Variants in TMEM200C observed in about 807,000 individuals in gnomAD.
TMEM200C encodes the protein transmembrane protein 200C, also known as transmembrane protein TTMA.
For synonymous variants in TMEM200C, 462 were observed against 324.7 expected (o/e 1.42, Z -4.55); for missense variants, 966 against 699.9 (o/e 1.38, Z -4.29).
rs1204910179 is a variant in TMEM200C, at chr18:5,891,188, G to T, written c.876C>A (p.Ser292Arg). ...ACGCGGCGCCCCGAGGGCGGCCGCC[G>T]CTCGGCGCCGCGGGGTGAGGAGGCC... Residue 292 changes from serine (S) to arginine (R), a missense_variant, in exon 3 of 3, where the codon AGC becomes AGA. Coordinates refer to ENST00000581347, the Ensembl canonical transcript of TMEM200C. This position sits in a 1 kb window ranked among gnomAD's most constrained non-coding sequence, Gnocchi z 4.7. The T allele has an allele frequency of 2.0e-5, 18 of 885,124 alleles. No individual in the cohort carries two copies. The highest frequency in any genetic ancestry group is 2.5e-5 in the Non-Finnish European group (17 of 669,420). The allele number at this position is 885,124 out of a possible 1,614,324, so 54.8% of individuals were successfully genotyped here.
chr18:5,883,853 G>A (rs1172750462), exon 3 of TMEM200C: 2 of 151,998 alleles, frequency 1.3e-5, no homozygotes, highest in Non-Finnish European at 2.9e-5. Flanking sequence ...CACACGTCTA[G>A]GGAAATGATT....
At position 5,891,353 on chromosome 18, in the gene TMEM200C, G is replaced by C; in HGVS notation, c.711C>G (p.Pro237=). 1 of 1,327,630 alleles carries C rather than the reference G, an allele frequency of 7.5e-7. No homozygotes were observed. Among genetic ancestry groups the C allele is most frequent in the Non-Finnish European group, 9.6e-7 (1 of 1,042,092 alleles). The allele number at this position is 1,327,630 out of a possible 1,614,324, so 82.2% of individuals were successfully genotyped here. Reference sequence around the variant, plus strand: ...GTATGGCCCCGGGGGGCGCCGCGGCGGGGGCAGACGACGACGAAGAGGCGG... The same window carrying C: ...GTATGGCCCCGGGGGGCGCCGCGGCCGGGGCAGACGACGACGAAGAGGCGG... Residue 237 remains proline (P), a synonymous_variant, in exon 3 of 3, where the codon CCC becomes CCG. Transcript: ENST00000581347. The surrounding 1 kb of genome is among the most constrained non-coding windows in gnomAD (Gnocchi z 4.7).
rs1442306735 is a variant in TMEM200C, at chr18:5,891,386, C to CGCGGCGGCG, written c.669_677dup (p.Ala228_Ala230dup). 7.6e-7 allele frequency: 1 copy of CGCGGCGGCG among 1,323,348 alleles called. No individual in the cohort carries two copies. The highest frequency in any genetic ancestry group is 1.6e-5 in the African/African-American group (1 of 63,754). The allele number at this position is 1,323,348 out of a possible 1,614,324, so 82.0% of individuals were successfully genotyped here. A position where few individuals can be genotyped will look rare whatever the true frequency, so the allele number is the denominator to read the frequency against. On this transcript the variant is annotated inframe_insertion, in exon 3 of 3. Coordinates refer to ENST00000581347, the Ensembl canonical transcript of TMEM200C. This position sits in a 1 kb window ranked among gnomAD's most constrained non-coding sequence, Gnocchi z 4.7. ...ACGACGACGAAGAGGCGGCGGCGGC[C>CGCGGCGGCG]GCGGCGGCGGCCGCGGCGGCCGCCA...
chr18:5,889,197 T>C (rs2095167673), exon 3 of TMEM200C: 1 of 152,242 alleles, frequency 6.6e-6, no homozygotes, highest in African/African-American at 2.4e-5. Context: ...ATCATAGGCA[T>C]ATTACTATTT....
Position 5,891,373 on chromosome 18 carries a change from AGGCGGCGGCGGCCGC to A in TMEM200C, c.676_690del (p.Ala226_Ala230del), listed in dbSNP as rs753663173. On this transcript the variant is annotated inframe_deletion, in exon 3 of 3. Coordinates refer to ENST00000581347, the Ensembl canonical transcript of TMEM200C. This position sits in a 1 kb window ranked among gnomAD's most constrained non-coding sequence, Gnocchi z 4.7. ...GCGGCGGGGGCAGACGACGACGAAGAGGCGGCGGCGGCCGCGGCGGCGGCCGCGGCGGCCGCCAGG... is the reference window on the plus strand; with the variant it reads ...GCGGCGGGGGCAGACGACGACGAAGAGGCGGCGGCCGCGGCGGCCGCCAGG... The A allele has an allele frequency of 9.6e-4, 1,292 of 1,340,876 alleles. 41 individuals carry two copies. The highest frequency in any genetic ancestry group is 9.6e-3 in the East Asian group (312 of 32,580). The allele number at this position is 1,340,876 out of a possible 1,614,324, so 83.1% of individuals were successfully genotyped here. A position where few individuals can be genotyped will look rare whatever the true frequency, so the allele number is the denominator to read the frequency against.
chr18:5,882,767 G>C (rs1313268032), exon 3 of TMEM200C: 1 of 151,960 alleles, frequency 6.6e-6, no homozygotes, highest in Non-Finnish European at 1.5e-5. Context: ...TCCCAAGCAA[G>C]ATTAATAAAT....
exon 3 of TMEM200C, chr18:5,887,786 A>T (rs1295918126): frequency 6.6e-6 from 1 of 152,240 alleles, no homozygotes; most frequent in Admixed American, 6.5e-5. Context: ...TACGATTGTG[A>T]ATTACTACAC....
exon 3 of TMEM200C, chr18:5,883,572 G>A (rs1214609542): frequency 6.6e-6 from 1 of 152,058 alleles, no homozygotes; most frequent in African/African-American, 2.4e-5. Context: ...GAACGCATAC[G>A]TGAGGAACAA....
At chr18:5,890,752 C>G (rs1205600308) in exon 3 of TMEM200C, 4 of 598,240 alleles carry the variant, frequency 6.7e-6, no homozygotes, top group South Asian at 5.6e-5. Context: ...TCCTCCGGCT[C>G]CCGGCGCGCC....
At chr18:5,892,275 T>A in intron 2 of TMEM200C, 118 bp from the exon 2 acceptor site, 2 of 599,844 alleles carry the variant, frequency 3.3e-6, no homozygotes, top group Non-Finnish European at 5.9e-6. Context: ...AGGGCCTTTA[T>A]CCACTAACTG....
At chr18:5,895,192 C>G (rs926973559) in exon 2 of TMEM200C, 1 of 152,070 alleles carries the variant, frequency 6.6e-6, no homozygotes, top group Non-Finnish European at 1.5e-5. Flanking sequence ...GGCGAGCGCC[C>G]GCCCCAGGCT....
intron 2 of TMEM200C, among the ~76,000 whole-genome samples, chr18:5,892,687 T>C (rs2095172457): frequency 6.6e-6 from 1 of 152,222 alleles, no homozygotes; most frequent in African/African-American, 2.4e-5. Flanking sequence ...GGAAAGTTAC[T>C]ACTGTATAAA....
chr18:5,890,367 G>A (rs2095168880), exon 3 of TMEM200C: 1 of 1,593,796 alleles, frequency 6.3e-7, no homozygotes, highest in Non-Finnish European at 8.6e-7. Flanking sequence ...ACCCAGAACG[G>A]GGGCGGCCAC....
Position 5,890,704 on chromosome 18 carries a change from GC to G in TMEM200C, c.1359del (p.Gln454ArgfsTer101). On this transcript the variant is annotated frameshift_variant, in exon 3 of 3. Transcript: ENST00000581347. LOFTEE classifies it low-confidence loss of function (END_TRUNC). ...CCGGTCCTGGGCAGGCGGCCGCCCT[GC>G]CCCCTGGCGGCGCGCGCCGCTACCG... 1.9e-6 allele frequency: 1 copy of G among 513,934 alleles called. No homozygotes were observed. The highest frequency in any genetic ancestry group is 3.2e-6 in the Non-Finnish European group (1 of 309,662). The allele number at this position is 513,934 out of a possible 1,614,324, so 31.8% of individuals were successfully genotyped here.
exon 3 of TMEM200C, chr18:5,892,074 T>C: frequency 6.2e-7 from 1 of 1,608,630 alleles, no homozygotes; most frequent in Non-Finnish European, 8.5e-7. Flanking sequence ...GGCGAGCTCC[T>C]GGAGTGCAGG....
intron 2 of TMEM200C, among the ~76,000 whole-genome samples, chr18:5,893,723 G>T (rs2095173339): frequency 6.6e-6 from 1 of 152,140 alleles, no homozygotes; most frequent in South Asian, 2.1e-4. Context: ...TATCAATATA[G>T]GCAGGATCTT....
Position 5,891,194 on chromosome 18 carries a change from C to A in TMEM200C, c.870G>T (p.Ala290=). 2.1e-6 allele frequency: 2 copies of A among 954,208 alleles called. No homozygotes were observed. The highest frequency in any genetic ancestry group is 2.7e-6 in the Non-Finnish European group (2 of 728,086). 59.1% of individuals were successfully genotyped at this position (954,208 alleles called of 1,614,324 possible). ...CGCCCCGAGGGCGGCCGCCGCTCGGCGCCGCGGGGTGAGGAGGCCACGAGC... is the reference window on the plus strand; with the variant it reads ...CGCCCCGAGGGCGGCCGCCGCTCGGAGCCGCGGGGTGAGGAGGCCACGAGC... Residue 290 remains alanine, a synonymous_variant, in exon 3 of 3, where the codon GCG becomes GCT. Transcript: ENST00000581347. The surrounding 1 kb of genome is among the most constrained non-coding windows in gnomAD (Gnocchi z 4.7).
chr18:5,893,356 A>G (rs1268545553), intron 2 of TMEM200C, among the ~76,000 whole-genome samples: 1 of 152,132 alleles, frequency 6.6e-6, no homozygotes, highest in Non-Finnish European at 1.5e-5. Context: ...GGGTGGCAAC[A>G]ATCAATGGAC....
chr18:5,884,834 G>T (rs1277433104), exon 3 of TMEM200C: 1 of 151,516 alleles, frequency 6.6e-6, no homozygotes, highest in African/African-American at 2.4e-5. Context: ...TTTTTCTTTA[G>T]ACATATAGAC....
Sources: allele counts gnomAD v4.1 joint callset (sites outside exome capture counted in the v4.1 genomes callset), GRCh38; gene constraint gnomAD v4.1.1; non-coding constraint Gnocchi (gnomAD v3.1); transcripts MANE v1.5; gene names NCBI Gene and HGNC (gene_info 2026-07-23, HGNC 2026-07-21).